ZFYVE28: variants seen among roughly 807,000 people sequenced by gnomAD.
The protein encoded by ZFYVE28 is lateral signaling target protein 2 homolog.
In ZFYVE28, 40 loss-of-function variants were observed where a neutral mutation model predicts 82.1. The ratio of observed to expected loss-of-function variants is 0.49; its 90% CI spans 0.38 to 0.63. The LOEUF is 0.63. Among genes scored for constraint, ZFYVE28 ranks in the 30% least tolerant of loss-of-function variants. The pLI is 0.00. For missense variants in ZFYVE28, 1,321 were observed against 1,242.1 expected, an observed-to-expected ratio of 1.06 and a Z score of -0.96; for synonymous variants, 612 against 546.1, an observed-to-expected ratio of 1.12 and a Z score of -1.68.
rs185869912 is a variant in ZFYVE28, at chr4:2,279,661, G to T, written c.2052-5445C>A. 1.2e-4 allele frequency among the ~76,000 whole-genome samples: 18 copies of T among 151,072 alleles called. No homozygotes were observed. In the East Asian group the frequency reaches 3.0e-3, roughly 25 times the overall value. ...CCAGGCATGGTGGCGGGCGCCTGTA[G>T]TCCCAGCTACTCAGGAGGCTGAGGC... On this transcript the variant is annotated intron_variant, in intron 8 of 12. Coordinates refer to ENST00000290974, the MANE Select transcript of ZFYVE28 (RefSeq NM_020972.3).
intron 1 of ZFYVE28, among the ~76,000 whole-genome samples, chr4:2,376,187 A>G (rs1375406524): frequency 7.1e-6 from 1 of 141,494 alleles, no homozygotes; most frequent in Non-Finnish European, 1.5e-5. Flanking sequence ...ATAAAATATT[A>G]TTAAAATTAA....
chr4:2,297,750 G>T (rs56131230), intron 8 of ZFYVE28, among the ~76,000 whole-genome samples: 2 of 151,464 alleles, frequency 1.3e-5, no homozygotes, highest in African/African-American at 4.8e-5. Flanking sequence ...AGCAGTGACA[G>T]TGGGATGACA....
rs57902093 is a variant in ZFYVE28 at position 2,314,175 on chromosome 4, T to C, written c.803+5995A>G. Among the ~76,000 whole-genome samples, 397 of 152,378 alleles carry C rather than the reference T, an allele frequency of 2.6e-3. 19 individuals are homozygous for C. The East Asian group carries it at 0.062, about 24-fold the overall frequency. On this transcript the variant is annotated intron_variant, in intron 7 of 12. Transcript: ENST00000290974. Reference sequence around the variant, plus strand: ...AAATATTTCTCTTTATCTGTAGTAATCTTTCTTGCCTTAAAGTTTACTTTG... The same window carrying C: ...AAATATTTCTCTTTATCTGTAGTAACCTTTCTTGCCTTAAAGTTTACTTTG...
intron 12 of ZFYVE28, 41 bp downstream of exon 12, chr4:2,271,270 T>C (rs372281736): frequency 2.8e-5 from 45 of 1,592,708 alleles, no homozygotes; most frequent in Non-Finnish European, 3.9e-5. Context: ...GTGGACGCCC[T>C]TGGATGCTGA....
intron 1 of ZFYVE28, among the ~76,000 whole-genome samples, chr4:2,413,620 G>C (rs745446283): frequency 6.6e-6 from 1 of 152,226 alleles, no homozygotes. Flanking sequence ...AGAGAGAAAC[G>C]TGCCAGGCCA....
chr4:2,320,108 G>T lies in ZFYVE28; in HGVS notation c.803+62C>A. 6.5e-7 allele frequency: 1 copy of T among 1,527,536 alleles called. No homozygotes were observed. Among genetic ancestry groups the T allele is most frequent in the Non-Finnish European group, 9.0e-7 (1 of 1,106,364 alleles). 94.6% of individuals were successfully genotyped at this position (1,527,536 alleles called of 1,614,324 possible). ...GAGGCGGCGGCTAAACATGACTTCA[G>T]CGCCCACCTGTGGCCCTCCTGTCCC... On this transcript the variant is annotated intron_variant, in intron 7 of 12. Transcript: ENST00000290974. The surrounding 1 kb of genome is among the most constrained non-coding windows in gnomAD (Gnocchi z 5.1).
intron 1 of ZFYVE28, among the ~76,000 whole-genome samples, chr4:2,365,518 C>T (rs1292269015): frequency 6.6e-6 from 1 of 152,138 alleles, no homozygotes; most frequent in Non-Finnish European, 1.5e-5. Context: ...CTCCCTGGCC[C>T]ACAGACTCTC....
intron 7 of ZFYVE28, among the ~76,000 whole-genome samples, chr4:2,313,669 C>T (rs1227146402): frequency 6.6e-6 from 1 of 151,990 alleles, no homozygotes; most frequent in Admixed American, 6.5e-5. Flanking sequence ...AGTTCAGGAC[C>T]AGCCTGGCCA....
intron 7 of ZFYVE28, among the ~76,000 whole-genome samples, chr4:2,309,798 T>A (rs907780458): frequency 2.6e-5 from 4 of 152,214 alleles, no homozygotes; most frequent in African/African-American, 9.6e-5. Context: ...TCTATATCTA[T>A]CTGTGACCAG....
In ZFYVE28 at chr4:2,339,639, G is replaced by T; in HGVS notation, c.335C>A (p.Ser112Tyr). Residue 112 changes from serine (S) to tyrosine (Y), a missense_variant, in exon 4 of 13, where the codon TCC becomes TAC. Ser to Tyr is a moderately radical substitution (Grantham distance 144). This residue lies in a region of ZFYVE28 where 343 missense variants were observed against 408.4 expected (regional missense o/e 0.84). Coordinates refer to ENST00000290974, the MANE Select transcript of ZFYVE28 (RefSeq NM_020972.3). The surrounding 1 kb of genome is among the most constrained non-coding windows in gnomAD (Gnocchi z 5.0). ...CTCCAGCTCCCGGTTCATGATGATG[G>T]AGCCGGCGGCCAGGCACTGCGGGAG... ...WFGAECLAAG[S>Y]IIMNRELESM... The T allele has an allele frequency of 6.2e-7, 1 of 1,604,130 alleles. No homozygotes were observed. The highest frequency in any genetic ancestry group is 8.5e-7 in the Non-Finnish European group (1 of 1,176,248).
At chr4:2,381,917 C>A (rs1728766875) in intron 1 of ZFYVE28, among the ~76,000 whole-genome samples, 1 of 152,220 alleles carries the variant, frequency 6.6e-6, no homozygotes, top group Non-Finnish European at 1.5e-5. Context: ...GGCCCAGGGT[C>A]CCTGTGCTGT....
At chr4:2,375,509 C>T (rs1418385569) in intron 1 of ZFYVE28, among the ~76,000 whole-genome samples, 1 of 152,250 alleles carries the variant, frequency 6.6e-6, no homozygotes, top group Non-Finnish European at 1.5e-5. Flanking sequence ...CAGGTGCTGG[C>T]TCATGCCCAC....
Position 2,372,141 on chromosome 4 carries a change from G to A in ZFYVE28, c.40-18068C>T, listed in dbSNP as rs911538405. On this transcript the variant is annotated intron_variant, in intron 1 of 12. Transcript: ENST00000290974. This position sits in a 1 kb window ranked among gnomAD's most constrained non-coding sequence, Gnocchi z 5.2. Reference sequence around the variant, plus strand: ...ACATCTGTCAGAACTGGGGAGCGGGGAGGAGGGCAAATGTTTTGTTTGCTG... The same window carrying A: ...ACATCTGTCAGAACTGGGGAGCGGGAAGGAGGGCAAATGTTTTGTTTGCTG... 6.6e-6 allele frequency among the ~76,000 whole-genome samples: 1 copy of A among 152,210 alleles called. No homozygotes were observed. Among genetic ancestry groups the A allele is most frequent in the Admixed American group, 6.5e-5 (1 of 15,286 alleles).
chr4:2,275,957 C>T (rs745583275), intron 8 of ZFYVE28, among the ~76,000 whole-genome samples: 2 of 152,190 alleles, frequency 1.3e-5, no homozygotes, highest in East Asian at 1.9e-4. Context: ...GCCACGGAGG[C>T]GGAGGCGAGC....
At chr4:2,411,208 T>C (rs143908030) in intron 1 of ZFYVE28, among the ~76,000 whole-genome samples, 12 of 151,954 alleles carry the variant, frequency 7.9e-5, no homozygotes, top group African/African-American at 2.9e-4. Flanking sequence ...CCCATGTTCC[T>C]TGTCCATGGA....
intron 1 of ZFYVE28, among the ~76,000 whole-genome samples, chr4:2,369,237 T>C (rs1298757958): frequency 6.6e-6 from 1 of 152,354 alleles, no homozygotes; most frequent in East Asian, 1.9e-4. Flanking sequence ...CCAGATCTGC[T>C]TTCTCACATC....
chr4:2,290,034 C>T (rs1300953861), intron 8 of ZFYVE28, among the ~76,000 whole-genome samples: 2 of 152,194 alleles, frequency 1.3e-5, no homozygotes, highest in Admixed American at 1.3e-4. Flanking sequence ...CTTGCGGAGG[C>T]CAGCCCAGCT....
At chr4:2,410,585 TC>T (rs1284382067) in intron 1 of ZFYVE28, among the ~76,000 whole-genome samples, 4 of 151,392 alleles carry the variant, frequency 2.6e-5, no homozygotes, top group Non-Finnish European at 4.4e-5. Flanking sequence ...AAGCTCCGCC[TC>T]CCAGGTTCAC....
At chr4:2,382,052 G>A (rs770807234) in intron 1 of ZFYVE28, among the ~76,000 whole-genome samples, 8 of 152,260 alleles carry the variant, frequency 5.3e-5, no homozygotes, top group Non-Finnish European at 1.0e-4. Context: ...CTTCCACATG[G>A]TGTTGAGCCT....
Sources: allele counts gnomAD v4.1 joint callset (sites outside exome capture counted in the v4.1 genomes callset), GRCh38; gene constraint gnomAD v4.1.1; regional missense constraint gnomAD v4.1.1; non-coding constraint Gnocchi (gnomAD v3.1); transcripts MANE v1.5; gene names NCBI Gene and HGNC (gene_info 2026-07-23, HGNC 2026-07-21).